The following ARHGEF19 variants were observed in gnomAD, a reference collection of about 807,000 sequenced individuals.
ARHGEF19 encodes Rho guanine nucleotide exchange factor 19.
In ARHGEF19, 92 loss-of-function variants were observed where a neutral mutation model predicts 87.6. That is an observed-to-expected ratio of 1.05 (90% CI 0.89 to 1.25). ARHGEF19 has a LOEUF of 1.25. Among genes scored for constraint, ARHGEF19 ranks in the 50% most tolerant of loss-of-function variants. The pLI is 0.00. For missense variants in ARHGEF19, 1,054 were observed against 1,051.8 expected, an observed-to-expected ratio of 1.00 and a Z score of -0.03; for synonymous variants, 438 against 446.2, an observed-to-expected ratio of 0.98 and a Z score of 0.23.
chr1:16,208,112 G>T lies in ARHGEF19; in HGVS notation c.526C>A (p.Pro176Thr), dbSNP rs750079298. 93 of 1,613,932 alleles carry T rather than the reference G, an allele frequency of 5.8e-5. No individual in the cohort carries two copies. The highest frequency in any genetic ancestry group is 7.4e-5 in the Non-Finnish European group (87 of 1,180,040). The stretch of plus-strand genomic sequence containing the variant: ...GTGGACCCAGACAACTCCACCCTGG[G>T]CTCCTCTGTGCTCAGGGCCTGCTCT... Reference protein sequence around the residue: ...VQEQALSTEEPRVELSGSTRV... With the variant: ...VQEQALSTEETRVELSGSTRV... Residue 176 changes from proline to threonine, a missense_variant, in exon 3 of 16, where the codon CCC becomes ACC. Coordinates refer to ENST00000270747, the MANE Select transcript of ARHGEF19 (RefSeq NM_153213.5).
Position 16,206,700 on chromosome 1 carries a change from G to A in ARHGEF19, c.1137+248C>T, listed in dbSNP as rs1349616258. Among the ~76,000 whole-genome samples the A allele has an allele frequency of 2.0e-5, 3 of 150,052 alleles. No individual in the cohort carries two copies. Among genetic ancestry groups the A allele is most frequent in the Non-Finnish European group, 3.0e-5 (2 of 67,688 alleles). ...CCGGCCCTGTCCTATCCTAGGTTTC[G>A]TCCCGCTGGCTCCGCCCCCTACCCG... On this transcript the variant is annotated intron_variant, in intron 6 of 15. Coordinates refer to ENST00000270747, the MANE Select transcript of ARHGEF19 (RefSeq NM_153213.5). This position sits in a 1 kb window ranked among gnomAD's most constrained non-coding sequence, Gnocchi z 4.6.
chr1:16,206,936 G>T lies in ARHGEF19; in HGVS notation c.1137+12C>A. ...CCCGCCCCCGCCCCGCCGGGTCCCCGCGCGCGCCCACCTCCTGCAGCTTGC... is the reference window on the plus strand; with the variant it reads ...CCCGCCCCCGCCCCGCCGGGTCCCCTCGCGCGCCCACCTCCTGCAGCTTGC... On this transcript the variant is annotated intron_variant, in intron 6 of 15. Transcript: ENST00000270747. This position sits in a 1 kb window ranked among gnomAD's most constrained non-coding sequence, Gnocchi z 4.6. 2 of 1,227,078 alleles carry T rather than the reference G, an allele frequency of 1.6e-6. No homozygotes were observed. The highest frequency in any genetic ancestry group is 2.9e-4 in the Middle Eastern group (1 of 3,400). 76.0% of individuals were successfully genotyped at this position (1,227,078 alleles called of 1,614,324 possible).
Position 16,205,707 on chromosome 1 carries a change from G to C in ARHGEF19, c.1452-40C>G, listed in dbSNP as rs767975728. ...GGACTCTGGAATCACAGGTAGGCCT[G>C]AATTCCTGGGATCCACAACCCTGGC... On this transcript the variant is annotated intron_variant, in intron 8 of 15. Transcript: ENST00000270747. The surrounding 1 kb of genome is among the most constrained non-coding windows in gnomAD (Gnocchi z 5.8). The C allele has an allele frequency of 2.6e-6, 4 of 1,567,474 alleles. No homozygotes were observed. The South Asian group carries it at 3.5e-5, about 14-fold the overall frequency.
chr1:16,199,663 A>G (rs1024095894), intron 14 of ARHGEF19, among the ~76,000 whole-genome samples: 2 of 151,634 alleles, frequency 1.3e-5, no homozygotes, highest in African/African-American at 4.9e-5. Flanking sequence ...CCTTTGGCCC[A>G]TCCTTCCCAA....
rs562840597 is a variant in ARHGEF19 at position 16,204,600 on chromosome 1, T to G, written c.1907+159A>C. 4.6e-5 allele frequency among the ~76,000 whole-genome samples: 7 copies of G among 152,270 alleles called. No individual in the cohort carries two copies. In the East Asian group the frequency reaches 1.4e-3, roughly 29 times the overall value. On this transcript the variant is annotated intron_variant, in intron 12 of 15. Transcript: ENST00000270747. Reference sequence around the variant, plus strand: ...ATGGACTTGTCTCACATCTCTGCCTTTGCTTCAGGAGCCTCCAAATCTCAG... The same window carrying G: ...ATGGACTTGTCTCACATCTCTGCCTGTGCTTCAGGAGCCTCCAAATCTCAG...
At position 16,198,432 on chromosome 1, in the gene ARHGEF19, C is replaced by G; in HGVS notation, c.*155G>C. On this transcript the variant is annotated 3_prime_UTR_variant, in exon 16 of 16. Coordinates refer to ENST00000270747, the MANE Select transcript of ARHGEF19 (RefSeq NM_153213.5). The surrounding 1 kb of genome is among the most constrained non-coding windows in gnomAD (Gnocchi z 4.1). Reference sequence around the variant, plus strand: ...TGAGGACGGAGAGACCCTCTGGAGGCGCCCCCATTCCTGTGTCCAGCCTGT... The same window carrying G: ...TGAGGACGGAGAGACCCTCTGGAGGGGCCCCCATTCCTGTGTCCAGCCTGT... The G allele has an allele frequency of 5.7e-6, 5 of 873,584 alleles. No individual in the cohort carries two copies. Among genetic ancestry groups the G allele is most frequent in the Non-Finnish European group, 8.3e-6 (5 of 604,818 alleles). 54.1% of individuals were successfully genotyped at this position (873,584 alleles called of 1,614,324 possible).
chr1:16,208,155 C>A lies in ARHGEF19; in HGVS notation c.483G>T (p.Glu161Asp). The A allele has an allele frequency of 6.2e-7, 1 of 1,613,374 alleles. No homozygotes were observed. The change falls in exon 3 of 16, where the codon GAG becomes GAT. Residue 161 changes from glutamate to aspartate, a missense_variant. Physicochemically the swap from Glu to Asp is conservative, Grantham distance 45 (BLOSUM62 2). Transcript: ENST00000270747. The stretch of plus-strand genomic sequence containing the variant: ...CCTGCTCTTGCACTACCTGGCCAGG[C>A]TCTAGGAAGACAGCGTGGGCCTCGG... ...GCPEAHAVFL[E>D]PGQVVQEQAL...
At chr1:16,209,566 C>T (rs1364864606) in intron 1 of ARHGEF19, among the ~76,000 whole-genome samples, 2 of 152,224 alleles carry the variant, frequency 1.3e-5, no homozygotes, top group Non-Finnish European at 2.9e-5. Flanking sequence ...ATGACATGTA[C>T]ACTTTCATAG....
intron 14 of ARHGEF19, among the ~76,000 whole-genome samples, chr1:16,199,867 C>T (rs544664238): frequency 6.6e-6 from 1 of 152,182 alleles, no homozygotes; most frequent in Non-Finnish European, 1.5e-5. Flanking sequence ...CTTTCCCCTC[C>T]ACTTTCCCTC....
Position 16,201,764 on chromosome 1 carries a change from G to GCAGGGATGAGCTACTACCTTCCC in ARHGEF19, c.2141_2146+17dup. On this transcript the variant is annotated intron_variant, in intron 14 of 15. Coordinates refer to ENST00000270747, the MANE Select transcript of ARHGEF19 (RefSeq NM_153213.5). ...AGGGTCCAGCCCAGGGATGTAAGCA[G>GCAGGGATGAGCTACTACCTTCCC]CAGGGATGAGCTACTACCTTCCCCC... is the stretch of plus-strand genomic sequence containing the variant. The GCAGGGATGAGCTACTACCTTCCC allele has an allele frequency of 6.2e-7, 1 of 1,612,048 alleles. No individual in the cohort carries two copies. Among genetic ancestry groups the GCAGGGATGAGCTACTACCTTCCC allele is most frequent in the Non-Finnish European group, 8.5e-7 (1 of 1,178,874 alleles).
chr1:16,207,314 T>G lies in ARHGEF19; in HGVS notation c.875-104A>C. ...CCGCGTCACTTAACCTTTGCCGCGG[T>G]TCGGATATCTGGACACAGTGAATTC... On this transcript the variant is annotated intron_variant, in intron 5 of 15. Transcript: ENST00000270747. This position sits in a 1 kb window ranked among gnomAD's most constrained non-coding sequence, Gnocchi z 4.0. 1 of 1,423,298 alleles carries G rather than the reference T, an allele frequency of 7.0e-7. No individual in the cohort carries two copies. Among genetic ancestry groups the G allele is most frequent in the Non-Finnish European group, 9.2e-7 (1 of 1,083,942 alleles). The allele number at this position is 1,423,298 out of a possible 1,614,324, so 88.2% of individuals were successfully genotyped here.
In ARHGEF19 at chr1:16,198,456, G is replaced by T; in HGVS notation, c.*131C>A. On this transcript the variant is annotated 3_prime_UTR_variant, in exon 16 of 16. Transcript: ENST00000270747. This position sits in a 1 kb window ranked among gnomAD's most constrained non-coding sequence, Gnocchi z 4.1. ...GCGCCCCCATTCCTGTGTCCAGCCT[G>T]TGCCCTCAATGCCAAGGCCACAGAA... 1 of 1,222,122 alleles carries T rather than the reference G, an allele frequency of 8.2e-7. No homozygotes were observed. Among genetic ancestry groups the T allele is most frequent in the Non-Finnish European group, 1.1e-6 (1 of 894,742 alleles). 75.7% of individuals were successfully genotyped at this position (1,222,122 alleles called of 1,614,324 possible).
At position 16,205,249 on chromosome 1, in the gene ARHGEF19, C is replaced by T; in HGVS notation, c.1657-73G>A. The stretch of plus-strand genomic sequence containing the variant: ...CCAGAGCCCAGCCTCAGACTCTTGC[C>T]TGGGGACCGGAGACTCTGACAGCTG... On this transcript the variant is annotated intron_variant, in intron 10 of 15. Coordinates refer to ENST00000270747, the MANE Select transcript of ARHGEF19 (RefSeq NM_153213.5). The surrounding 1 kb of genome is among the most constrained non-coding windows in gnomAD (Gnocchi z 5.8). 6.3e-7 allele frequency: 1 copy of T among 1,599,812 alleles called. No homozygotes were observed. Among genetic ancestry groups the T allele is most frequent in the Non-Finnish European group, 8.5e-7 (1 of 1,171,558 alleles).
chr1:16,208,091 A>G lies in ARHGEF19; in HGVS notation c.547T>C (p.Ser183Pro), dbSNP rs2100288339. ...GGACCTTCGAGGCTCACTCGGGTGGACCCAGACAACTCCACCCTGGGCTCC... is the reference window on the plus strand; with the variant it reads ...GGACCTTCGAGGCTCACTCGGGTGGGCCCAGACAACTCCACCCTGGGCTCC... ...TEEPRVELSG[S>P]TRVSLEGPER... The change falls in exon 3 of 16, where the codon TCC becomes CCC. Residue 183 changes from serine (S) to proline (P), a missense_variant. By Grantham distance (74) the Ser-to-Pro change is moderately conservative. Coordinates refer to ENST00000270747, the MANE Select transcript of ARHGEF19 (RefSeq NM_153213.5). 6.2e-7 allele frequency: 1 copy of G among 1,613,990 alleles called. No homozygotes were observed. Among genetic ancestry groups the G allele is most frequent in the East Asian group, 2.2e-5 (1 of 44,870 alleles).
At chr1:16,210,529 A>G (rs964649405) in intron 1 of ARHGEF19, among the ~76,000 whole-genome samples, 1 of 152,248 alleles carries the variant, frequency 6.6e-6, no homozygotes, top group Non-Finnish European at 1.5e-5. Flanking sequence ...ATGCTGAGAC[A>G]TTCAGGGACC....
chr1:16,204,967 G>A (rs771587423), intron 11 of ARHGEF19, 48 bp from the exon 12 acceptor site: 3 of 1,575,938 alleles, frequency 1.9e-6, no homozygotes, highest in African/African-American at 2.7e-5. Context: ...ACCAGGCAGA[G>A]AGCACAAGAT....
chr1:16,207,639 CCT>C lies in ARHGEF19; in HGVS notation c.797+34_797+35del. ...CGTCACGGCCCTAGTTCGCCTGCAC[CCT>C]GTCTCGGACCCAAGCCCAAACGGGA... On this transcript the variant is annotated intron_variant, in intron 4 of 15. Coordinates refer to ENST00000270747, the MANE Select transcript of ARHGEF19 (RefSeq NM_153213.5). This position sits in a 1 kb window ranked among gnomAD's most constrained non-coding sequence, Gnocchi z 4.0. 6.2e-7 allele frequency: 1 copy of C among 1,614,046 alleles called. No individual in the cohort carries two copies. Among genetic ancestry groups the C allele is most frequent in the Non-Finnish European group, 8.5e-7 (1 of 1,179,986 alleles).
intron 13 of ARHGEF19, among the ~76,000 whole-genome samples, 184 bp from the exon 14 acceptor site, chr1:16,202,045 C>T (rs1022517200): frequency 1.3e-5 from 2 of 152,134 alleles, no homozygotes; most frequent in African/African-American, 4.8e-5. Flanking sequence ...GCCTGTGCCC[C>T]ACCCAGCTCT....
Position 16,207,090 on chromosome 1 carries a change from C to G in ARHGEF19, c.995G>C (p.Arg332Pro), listed in dbSNP as rs1475668577. Residue 332 changes from arginine (R) to proline (P), a missense_variant, in exon 6 of 16, where the codon CGG becomes CCG. Physicochemically the swap from Arg to Pro is moderately radical, Grantham distance 103 (BLOSUM62 -2). Transcript: ENST00000270747. This position sits in a 1 kb window ranked among gnomAD's most constrained non-coding sequence, Gnocchi z 4.0. Reference sequence around the variant, plus strand: ...GGAGCTGCTGGGGGAGAGGTTGGCCCGCGGCGGCCCCGGCCCCTCCTCTGC... The same window carrying G: ...GGAGCTGCTGGGGGAGAGGTTGGCCGGCGGCGGCCCCGGCCCCTCCTCTGC... ...EGAEEGPGPP[R>P]ANLSPSSSFR... 1.3e-6 allele frequency: 2 copies of G among 1,507,030 alleles called. No individual in the cohort carries two copies. The highest frequency in any genetic ancestry group is 4.4e-5 in the Admixed American group (2 of 45,608). 93.4% of individuals were successfully genotyped at this position (1,507,030 alleles called of 1,614,324 possible). A position where few individuals can be genotyped will look rare whatever the true frequency, so the allele number is the denominator to read the frequency against.
Sources: allele counts gnomAD v4.1 joint callset (sites outside exome capture counted in the v4.1 genomes callset), GRCh38; gene constraint gnomAD v4.1.1; non-coding constraint Gnocchi (gnomAD v3.1); transcripts MANE v1.5; gene names NCBI Gene and HGNC (gene_info 2026-07-23, HGNC 2026-07-21).